Variants in DNAAF9 observed in about 807,000 individuals in gnomAD.
The protein encoded by DNAAF9 is shulin.
DNAAF9 carries 90 observed loss-of-function variants against 167.0 expected under a neutral mutation model. That is an observed-to-expected ratio of 0.54 (90% CI 0.45 to 0.64). The LOEUF is 0.64. Ranked by LOEUF, DNAAF9 falls within the 30% of genes least tolerant of loss-of-function variation. The probability of loss-of-function intolerance (pLI) is 0.00; values close to 1 mark genes in which losing one functional copy is unlikely to be tolerated. For synonymous variants in DNAAF9, 491 were observed against 508.8 expected, an observed-to-expected ratio of 0.96 and a Z score of 0.47; for missense variants, 1,315 against 1,442.2, an observed-to-expected ratio of 0.91 and a Z score of 1.43.
At chr20:3,354,784 T>C (rs16988490) in intron 7 of DNAAF9, among the ~76,000 whole-genome samples, 31,455 of 152,156 alleles carry the variant, frequency 0.21, 3,489 homozygotes, top group African/African-American at 0.24. Flanking sequence ...CAGCCTTTAC[T>C]CTTCAGGATG....
Position 3,303,687 on chromosome 20 carries a change from T to C in DNAAF9, c.1782+753A>G, listed in dbSNP as rs117617707. Among the ~76,000 whole-genome samples, 17 of 152,336 alleles carry C rather than the reference T, an allele frequency of 1.1e-4. No individual in the cohort carries two copies. In the East Asian group the frequency reaches 2.7e-3, roughly 24 times the overall value. On this transcript the variant is annotated intron_variant, in intron 21 of 36. Coordinates refer to ENST00000252032, the MANE Select transcript of DNAAF9 (RefSeq NM_001009984.3). ...AGCCATCTGACCAAAATACCTCACA[T>C]AGTCTCTGTCCTAGCTCCCAGACAG...
At chr20:3,318,255 TA>T (rs764528111) in intron 17 of DNAAF9, 33 bp downstream of exon 17, 2 of 921,184 alleles carry the variant, frequency 2.2e-6, no homozygotes, top group South Asian at 1.4e-5. Context: ...AAAAAAGGCT[TA>T]AGGTTTGCTT....
At chr20:3,274,909 T>C (rs541378476) in intron 29 of DNAAF9, among the ~76,000 whole-genome samples, 2 of 152,350 alleles carry the variant, frequency 1.3e-5, no homozygotes, top group East Asian at 1.9e-4. Flanking sequence ...AAGGAATAGT[T>C]TGAAGGCAGA....
At position 3,392,743 on chromosome 20, in the gene DNAAF9, A is replaced by C. The variant is rs1221198966; in HGVS notation, c.84-10237T>G. ...TATCTTGCTTCCCTGGAAATGAAGA[A>C]AAAAATTGGAAATTTTATTTTTACC... On this transcript the variant is annotated intron_variant, in intron 1 of 36. Coordinates refer to ENST00000252032, the MANE Select transcript of DNAAF9 (RefSeq NM_001009984.3). Among the ~76,000 whole-genome samples, 3 of 152,210 alleles carry C rather than the reference A, an allele frequency of 2.0e-5. No homozygotes were observed. The East Asian group carries it at 5.8e-4, about 29-fold the overall frequency.
At chr20:3,269,692 C>T (rs193050197) in intron 30 of DNAAF9, among the ~76,000 whole-genome samples, 8 of 152,258 alleles carry the variant, frequency 5.3e-5, no homozygotes, top group South Asian at 2.1e-4. Flanking sequence ...TGGTGCCTCA[C>T]GCCTGTAATC....
chr20:3,332,900 GGTGTGTGTGTGTGT>G (rs3082550), intron 10 of DNAAF9, among the ~76,000 whole-genome samples: 6 of 146,840 alleles, frequency 4.1e-5, no homozygotes, highest in Non-Finnish European at 6.0e-5. Context: ...GTGTGCGTGT[GGTGTGTGTGTGTGT>G]GTGTGTGTGT....
At chr20:3,319,418 A>C (rs550672572) in intron 16 of DNAAF9, among the ~76,000 whole-genome samples, 5 of 152,312 alleles carry the variant, frequency 3.3e-5, no homozygotes, top group African/African-American at 1.2e-4. Context: ...TTATTAGGTA[A>C]AAACTAGTGA....
chr20:3,268,968 G>C (rs1405358518), intron 30 of DNAAF9, among the ~76,000 whole-genome samples: 2 of 143,594 alleles, frequency 1.4e-5, no homozygotes, highest in Non-Finnish European at 3.0e-5. Context: ...CAGTGGTGCG[G>C]TCTTGGCTCA....
chr20:3,282,248 ACT>A (rs2068776177), intron 27 of DNAAF9, among the ~76,000 whole-genome samples: 1 of 151,946 alleles, frequency 6.6e-6, no homozygotes, highest in Admixed American at 6.6e-5. Context: ...CCTGCCTGGA[ACT>A]CTCTCCAAAC....
chr20:3,403,428 C>T (rs556023963), intron 1 of DNAAF9, among the ~76,000 whole-genome samples: 1 of 151,448 alleles, frequency 6.6e-6, no homozygotes, highest in South Asian at 2.1e-4. Flanking sequence ...CAGAAGAGAA[C>T]TTCCACTTTC....
chr20:3,318,184 T>G, intron 17 of DNAAF9, 105 bp downstream of exon 17: 1 of 607,092 alleles, frequency 1.6e-6, no homozygotes, highest in Non-Finnish European at 3.0e-6. Context: ...GTTCTAATAT[T>G]TTTACCAGTT....
chr20:3,331,327 T>C lies in DNAAF9; in HGVS notation c.1064-645A>G, dbSNP rs148928876. Among the ~76,000 whole-genome samples, 474 of 152,312 alleles carry C rather than the reference T, an allele frequency of 3.1e-3. 3 individuals are homozygous for C. Among genetic ancestry groups the C allele is most frequent in the African/African-American group, 0.011 (447 of 41,554 alleles). On this transcript the variant is annotated intron_variant, in intron 11 of 36. Transcript: ENST00000252032. Reference sequence around the variant, plus strand: ...GCTCAGTTCTACCTCTTGCTTTATCTCCTTAATTACCTGACCCAAGTTATG... The same window carrying C: ...GCTCAGTTCTACCTCTTGCTTTATCCCCTTAATTACCTGACCCAAGTTATG...
intron 12 of DNAAF9, among the ~76,000 whole-genome samples, chr20:3,328,536 T>C (rs143970662): frequency 1.6e-4 from 25 of 152,286 alleles, no homozygotes; most frequent in Non-Finnish European, 3.2e-4. Flanking sequence ...ATCTGTGATT[T>C]GGCAAATCTC....
chr20:3,401,060 G>A (rs914488514), intron 1 of DNAAF9, among the ~76,000 whole-genome samples: 4 of 151,280 alleles, frequency 2.6e-5, no homozygotes, highest in African/African-American at 7.4e-5. Context: ...CATCTGTACC[G>A]TAGTTATTAC....
At chr20:3,284,480 G>C (rs1316755698) in intron 27 of DNAAF9, among the ~76,000 whole-genome samples, 1 of 151,938 alleles carries the variant, frequency 6.6e-6, no homozygotes, top group East Asian at 1.9e-4. Flanking sequence ...TGGTGGCCAG[G>C]CTACAGCTTG....
At chr20:3,307,027 C>A in intron 20 of DNAAF9, 2 of 985,398 alleles carry the variant, frequency 2.0e-6, no homozygotes, top group Non-Finnish European at 2.4e-6. Flanking sequence ...GAAACAAGTC[C>A]AGTGCCACTT....
intron 6 of DNAAF9, among the ~76,000 whole-genome samples, chr20:3,372,380 G>A (rs1013073970): frequency 6.6e-6 from 1 of 152,200 alleles, no homozygotes; most frequent in African/African-American, 2.4e-5. Context: ...CTACAGAAAA[G>A]GGCAGGATGT....
rs568594814 is a variant in DNAAF9, at chr20:3,318,329, A to C, written c.1428T>G (p.Ser476=). Residue 476 remains serine, a synonymous_variant, in exon 17 of 37, where the codon TCT becomes TCG. Transcript: ENST00000252032. The part of the protein sequence containing the change: ...GNGCLGSVVF[S]ESFLTSQILV... ...AGATCTGAGAAGTCAAAAATGATTC[A>C]GAGAAAACCACAGATCCTAAACAAC... is the stretch of plus-strand genomic sequence containing the variant. 6 of 1,599,642 alleles carry C rather than the reference A, an allele frequency of 3.8e-6. No homozygotes were observed. In the African/African-American group the frequency reaches 6.7e-5, roughly 18 times the overall value.
At chr20:3,340,248 G>GA (rs1352401255) in intron 10 of DNAAF9, among the ~76,000 whole-genome samples, 2 of 152,168 alleles carry the variant, frequency 1.3e-5, no homozygotes, top group African/African-American at 2.4e-5. Flanking sequence ...ACTGGTTTGT[G>GA]AAACTACGTT....
Sources: allele counts gnomAD v4.1 joint callset (sites outside exome capture counted in the v4.1 genomes callset), GRCh38; gene constraint gnomAD v4.1.1; transcripts MANE v1.5; gene names NCBI Gene and HGNC (gene_info 2026-07-23, HGNC 2026-07-21).